CSMD1: variants seen among roughly 807,000 people sequenced by gnomAD.
CSMD1 encodes the protein CUB and Sushi multiple domains 1.
Under a neutral mutation model 417.5 loss-of-function variants are expected in CSMD1, and 213 were observed. The ratio of observed to expected loss-of-function variants is 0.51; its 90% CI spans 0.46 to 0.57. CSMD1 has a LOEUF of 0.57. Ranked by LOEUF, CSMD1 falls within the 20% of genes least tolerant of loss-of-function variation. The probability of loss-of-function intolerance (pLI) is 0.00; values close to 1 mark genes in which losing one functional copy is unlikely to be tolerated. For synonymous variants in CSMD1, 2,862 were observed against 1,736.8 expected (o/e 1.65, Z -16.11); for missense variants, 6,923 against 4,529.7 (o/e 1.53, Z -15.17).
rs1261224286 is a variant in CSMD1, at chr8:3,795,064, A to ACG, written c.819-41023_819-41022insCG. Among the ~76,000 whole-genome samples the ACG allele has an allele frequency of 3.8e-5, 5 of 132,472 alleles. 1 individual carries two copies. The highest frequency in any genetic ancestry group is 1.3e-4 in the African/African-American group (5 of 38,494). The allele number at this position is 132,472 out of a possible 152,430, so 86.9% of individuals were successfully genotyped here. A position where few individuals can be genotyped will look rare whatever the true frequency, so the allele number is the denominator to read the frequency against. On this transcript the variant is annotated intron_variant, in intron 5 of 69. Transcript: ENST00000635120. ...ATATCTATCATGTATAGCTATAGATATATATCTATCATGTACAGCTATAGA... is the reference window on the plus strand; with the variant it reads ...ATATCTATCATGTATAGCTATAGATACGTATATCTATCATGTACAGCTATAGA...
At chr8:4,324,516 C>A (rs1313442080) in intron 3 of CSMD1, among the ~76,000 whole-genome samples, 1 of 152,166 alleles carries the variant, frequency 6.6e-6, no homozygotes, top group Non-Finnish European at 1.5e-5. Flanking sequence ...AAAGAGGGTT[C>A]TTCTCCACCC....
chr8:3,183,174 T>G (rs548077086), intron 36 of CSMD1: 1 of 133,034 alleles, frequency 7.5e-6, no homozygotes, highest in South Asian at 2.3e-4. Context: ...ATCGAGTAGG[T>G]CTCTAACGCC....
intron 10 of CSMD1, among the ~76,000 whole-genome samples, chr8:3,541,820 G>C (rs28505187): frequency 6.6e-6 from 1 of 151,416 alleles, no homozygotes; most frequent in Non-Finnish European, 1.5e-5. Context: ...GGGCATGATG[G>C]CTTGCACCTG....
At chr8:4,241,588 C>T (rs752468219) in intron 3 of CSMD1, among the ~76,000 whole-genome samples, 1 of 152,146 alleles carries the variant, frequency 6.6e-6, no homozygotes, top group Non-Finnish European at 1.5e-5. Flanking sequence ...ACCCTAAATA[C>T]CCGGAACACA....
chr8:4,811,887 T>C (rs1798928050), intron 1 of CSMD1, among the ~76,000 whole-genome samples: 1 of 152,140 alleles, frequency 6.6e-6, no homozygotes, highest in East Asian at 1.9e-4. Context: ...ATCATAGAAC[T>C]GTTCCCTAAT....
intron 1 of CSMD1, among the ~76,000 whole-genome samples, chr8:4,792,284 C>T (rs951093050): frequency 2.6e-5 from 4 of 152,138 alleles, no homozygotes; most frequent in African/African-American, 7.2e-5. Context: ...AACTACACCC[C>T]TATAAAGGTG....
intron 5 of CSMD1, among the ~76,000 whole-genome samples, chr8:3,836,043 A>C (rs1802676838): frequency 6.6e-6 from 1 of 151,912 alleles, no homozygotes; most frequent in African/African-American, 2.4e-5. Context: ...GCTTTTTCTA[A>C]TTGTTTATTG....
chr8:3,538,576 C>T (rs1189212701), intron 10 of CSMD1, among the ~76,000 whole-genome samples: 3 of 152,248 alleles, frequency 2.0e-5, no homozygotes, highest in Non-Finnish European at 4.4e-5. Flanking sequence ...GAGTTGCCTC[C>T]CCTGTGATTG....
At chr8:4,177,840 T>C (rs1447209590) in intron 3 of CSMD1, among the ~76,000 whole-genome samples, 1 of 151,330 alleles carries the variant, frequency 6.6e-6, no homozygotes, top group Non-Finnish European at 1.5e-5. Context: ...AAGAAATGGA[T>C]AAATTCCTCG....
At chr8:3,876,917 C>G (rs1346157701) in intron 5 of CSMD1, among the ~76,000 whole-genome samples, 2 of 152,172 alleles carry the variant, frequency 1.3e-5, no homozygotes, top group Non-Finnish European at 2.9e-5. Context: ...TGTCCAGCCT[C>G]TCATGCTTGG....
chr8:4,792,298 G>A lies in CSMD1; in HGVS notation c.86-154740C>T, dbSNP rs192289036. Among the ~76,000 whole-genome samples the A allele has an allele frequency of 3.3e-5, 5 of 152,262 alleles. 1 individual carries two copies. Among genetic ancestry groups the A allele is most frequent in the Admixed American group, 3.3e-4 (5 of 15,300 alleles). Reference sequence around the variant, plus strand: ...TAACTACACCCCTATAAAGGTGCATGGTCCCTAAGAGTTCTAAAATTCTTA... The same window carrying A: ...TAACTACACCCCTATAAAGGTGCATAGTCCCTAAGAGTTCTAAAATTCTTA... On this transcript the variant is annotated intron_variant, in intron 1 of 69. Transcript: ENST00000635120.
chr8:3,746,781 A>C (rs926898690), intron 6 of CSMD1, among the ~76,000 whole-genome samples: 3 of 152,212 alleles, frequency 2.0e-5, no homozygotes, highest in African/African-American at 7.2e-5. Context: ...TTTTACATTT[A>C]TGACTTTTTA....
intron 3 of CSMD1, among the ~76,000 whole-genome samples, chr8:4,416,120 T>C (rs1453501547): frequency 1.3e-5 from 2 of 152,190 alleles, no homozygotes; most frequent in East Asian, 1.9e-4. Context: ...ATCTGTACAA[T>C]TGCCTTACAC....
At chr8:4,421,734 T>C (rs75234169) in intron 2 of CSMD1, among the ~76,000 whole-genome samples, 14,892 of 150,766 alleles carry the variant, frequency 0.099, 924 homozygotes, top group Non-Finnish European at 0.13. Context: ...TTAGAAAAAC[T>C]CCCAAATCCC....
intron 12 of CSMD1, among the ~76,000 whole-genome samples, chr8:3,439,119 T>A (rs1352771992): frequency 6.7e-5 from 1 of 15,000 alleles, no homozygotes; most frequent in Non-Finnish European, 9.9e-5. Context: ...CAAGACTCCA[T>A]CTCAAAAAAA....
intron 3 of CSMD1, among the ~76,000 whole-genome samples, chr8:4,084,653 C>T (rs1359241859): frequency 6.6e-6 from 1 of 152,116 alleles, no homozygotes; most frequent in Non-Finnish European, 1.5e-5. Flanking sequence ...GATGGCACAA[C>T]ATTAGCAAGA....
chr8:4,341,931 T>G (rs1800500553), intron 3 of CSMD1, among the ~76,000 whole-genome samples: 2 of 152,120 alleles, frequency 1.3e-5, no homozygotes, highest in Non-Finnish European at 2.9e-5. Context: ...ATTAGTACTA[T>G]GCTTTGTCCA....
chr8:4,062,213 G>T (rs562647041), intron 3 of CSMD1, among the ~76,000 whole-genome samples: 2 of 152,038 alleles, frequency 1.3e-5, no homozygotes, highest in South Asian at 4.1e-4. Flanking sequence ...TCCAAGCTAC[G>T]GGCCAGGTTC....
Position 4,257,117 on chromosome 8 carries a change from A to C in CSMD1, c.415+162836T>G, listed in dbSNP as rs952726838. 9.2e-5 allele frequency among the ~76,000 whole-genome samples: 14 copies of C among 152,172 alleles called. 1 individual carries two copies. The highest frequency in any genetic ancestry group is 3.4e-4 in the African/African-American group (14 of 41,436). ...TACCACACTCGCCATACTCTATATG[A>C]GTCATACTCACCACATTTGTTACCT... is the stretch of plus-strand genomic sequence containing the variant. On this transcript the variant is annotated intron_variant, in intron 3 of 69. Coordinates refer to ENST00000635120, the MANE Select transcript of CSMD1 (RefSeq NM_033225.6).
Sources: allele counts gnomAD v4.1 joint callset (sites outside exome capture counted in the v4.1 genomes callset), GRCh38; gene constraint gnomAD v4.1.1; transcripts MANE v1.5; gene names NCBI Gene and HGNC (gene_info 2026-07-23, HGNC 2026-07-21).